Variants in ETV7 observed in about 807,000 individuals in gnomAD.
ETV7 encodes ETS variant transcription factor 7, also known as transcription factor ETV7.
A neutral mutation model predicts 39.1 loss-of-function variants in ETV7; 43 were observed. The ratio of observed to expected loss-of-function variants is 1.10; its 90% confidence interval spans 0.86 to 1.42. The LOEUF (loss-of-function observed/expected upper bound fraction) is 1.42, where lower values mean the gene tolerates loss of function less well. Ranked by LOEUF, ETV7 falls within the 40% of genes most tolerant of loss-of-function variation. The probability of loss-of-function intolerance (pLI) is 0.00; values close to 1 mark genes in which losing one functional copy is unlikely to be tolerated. For missense variants in ETV7, 432 were observed against 442.3 expected, an observed-to-expected ratio of 0.98 and a Z score of 0.21; for synonymous variants, 196 against 176.6, an observed-to-expected ratio of 1.11 and a Z score of -0.87.
In ETV7 at chr6:36,371,356, T is replaced by C; in HGVS notation, c.638A>G (p.Gln213Arg). 6.3e-7 allele frequency: 1 copy of C among 1,595,012 alleles called. No homozygotes were observed. Among genetic ancestry groups the C allele is most frequent in the African/African-American group, 1.3e-5 (1 of 74,704 alleles). ...QGVCSFPAMP[Q>R]APIDGRIADC... ...AGCGATCCTGCCGTCAATGGGGGCCTGCGGCATCGCGGGGAAGGAACAGAC... is the reference window on the plus strand; with the variant it reads ...AGCGATCCTGCCGTCAATGGGGGCCCGCGGCATCGCGGGGAAGGAACAGAC... The change falls in exon 5 of 8, where the codon CAG (glutamine) becomes CGG (arginine). Residue 213 changes from glutamine to arginine, a missense_variant. Gln to Arg is a conservative substitution (Grantham distance 43). Coordinates refer to ENST00000340181, the MANE Select transcript of ETV7 (RefSeq NM_016135.4).
chr6:36,366,421 C>T lies in ETV7; in HGVS notation c.*224G>A. 1.4e-6 allele frequency: 2 copies of T among 1,407,574 alleles called. No homozygotes were observed. The highest frequency in any genetic ancestry group is 1.5e-5 in the South Asian group (1 of 65,536). 87.2% of individuals were successfully genotyped at this position (1,407,574 alleles called of 1,614,324 possible). A position where few individuals can be genotyped will look rare whatever the true frequency, so the allele number is the denominator to read the frequency against. On this transcript the variant is annotated 3_prime_UTR_variant, in exon 8 of 8. Transcript: ENST00000340181. ...GGTGCAGTAGGGGAGAGTCCATTCC[C>T]CTGTACCTCATTTAGCCCCAGGATT...
At chr6:36,363,321 A>G (rs1772579949), downstream of ETV7, among the ~76,000 whole-genome samples, 1 of 151,650 alleles carries the variant, frequency 6.6e-6, no homozygotes, top group Non-Finnish European at 1.5e-5. Context: ...GAAGCTGCAG[A>G]CCTTCGCGGT....
At chr6:36,375,828 A>G (rs1401430754) in intron 3 of ETV7, 43 bp downstream of exon 3, 2 of 1,612,854 alleles carry the variant, frequency 1.2e-6, no homozygotes, top group Non-Finnish European at 1.7e-6. Context: ...ATCCTGGCCT[A>G]CCAGGGTTCC....
chr6:36,372,298 C>G (rs893250817), intron 4 of ETV7, among the ~76,000 whole-genome samples: 1 of 152,054 alleles, frequency 6.6e-6, no homozygotes, highest in Non-Finnish European at 1.5e-5. Flanking sequence ...CCCGAAGGCC[C>G]GTGTGTCTGG....
At chr6:36,370,263 G>T (rs73406987) in intron 5 of ETV7, among the ~76,000 whole-genome samples, 15 of 152,148 alleles carry the variant, frequency 9.9e-5, no homozygotes, top group African/African-American at 3.6e-4. Flanking sequence ...AGGCCGGCAC[G>T]GTGGTTCACG....
At chr6:36,362,866 T>C (rs1041162985), downstream of ETV7, among the ~76,000 whole-genome samples, 2 of 152,204 alleles carry the variant, frequency 1.3e-5, no homozygotes, top group African/African-American at 4.8e-5. Flanking sequence ...TTGACATCCA[T>C]CAACCCACCA....
intron 2 of ETV7, among the ~76,000 whole-genome samples, chr6:36,376,778 GAAA>G (rs60435053): frequency 6.5e-5 from 6 of 91,964 alleles, no homozygotes; most frequent in East Asian, 3.6e-4. Context: ...TCCCTCTAAA[GAAA>G]AAAAAAAAAA....
chr6:36,355,330 G>A (rs1772308387), intron 7 of ETV7, among the ~76,000 whole-genome samples: 1 of 151,862 alleles, frequency 6.6e-6, no homozygotes. Flanking sequence ...CCTATCTATT[G>A]AGATGATTAT....
chr6:36,387,459 A>T (rs929228756), intron 1 of ETV7, 77 bp downstream of exon 1: 1 of 1,597,800 alleles, frequency 6.3e-7, no homozygotes, highest in African/African-American at 1.3e-5. Flanking sequence ...TAGGTTTGGA[A>T]ATCTAGGTGG....
intron 4 of ETV7, among the ~76,000 whole-genome samples, 192 bp downstream of exon 4, chr6:36,373,261 T>G (rs1773125636): frequency 1.3e-5 from 1 of 77,378 alleles, no homozygotes; most frequent in Admixed American, 1.8e-4. Context: ...AATGGGGAGG[T>G]GGGAGGCATG....
intron 4 of ETV7, among the ~76,000 whole-genome samples, chr6:36,373,236 C>T (rs560519823): frequency 2.9e-4 from 42 of 145,654 alleles, no homozygotes; most frequent in Non-Finnish European, 4.8e-4. Context: ...CAACTCTTTG[C>T]TGGAGAGAGC....
chr6:36,371,635 C>G, intron 4 of ETV7, 75 bp from the exon 5 acceptor site: 1 of 1,296,272 alleles, frequency 7.7e-7, no homozygotes, highest in South Asian at 1.3e-5. Flanking sequence ...CAATGGTGAG[C>G]CTGGGAGCCC....
At chr6:36,387,138 G>A (rs1378917696) in intron 1 of ETV7, among the ~76,000 whole-genome samples, 1 of 152,198 alleles carries the variant, frequency 6.6e-6, no homozygotes, top group African/African-American at 2.4e-5. Flanking sequence ...CTAGAAAACC[G>A]GCGAGTGGGG....
At position 36,370,538 on chromosome 6, in the gene ETV7, AAAAAG is replaced by A. The variant is rs373068406; in HGVS notation, c.664+787_664+791del. ...CAAAAGAGCCAGACTCCCGTCTCAA[AAAAAG>A]AAAAGAAAAGAAAAGAAAAACTTCC... On this transcript the variant is annotated intron_variant, in intron 5 of 7. Coordinates refer to ENST00000340181, the MANE Select transcript of ETV7 (RefSeq NM_016135.4). 3.4e-3 allele frequency among the ~76,000 whole-genome samples: 518 copies of A among 152,228 alleles called. 1 individual carries two copies. Among genetic ancestry groups the A allele is most frequent in the Middle Eastern group, 0.02 (6 of 294 alleles).
downstream of ETV7, among the ~76,000 whole-genome samples, chr6:36,362,666 C>T (rs1294747997): frequency 1.3e-5 from 2 of 152,204 alleles, no homozygotes; most frequent in Non-Finnish European, 2.9e-5. Context: ...CCCCAGACCA[C>T]GGCCTGATCT....
intron 7 of ETV7, among the ~76,000 whole-genome samples, chr6:36,359,966 G>A (rs1448023243): frequency 1.3e-5 from 2 of 152,148 alleles, no homozygotes; most frequent in Non-Finnish European, 2.9e-5. Flanking sequence ...CGCGATCTCG[G>A]CTCACTGCCT....
At chr6:36,381,221 G>T (rs1773636094) in intron 2 of ETV7, among the ~76,000 whole-genome samples, 1 of 152,182 alleles carries the variant, frequency 6.6e-6, no homozygotes, top group Non-Finnish European at 1.5e-5. Flanking sequence ...AAAAATGGGA[G>T]CTATCATCAT....
In ETV7 at chr6:36,358,808, G is replaced by A. The variant is rs144849843; in HGVS notation, c.909-4121C>T. Among the ~76,000 whole-genome samples the A allele has an allele frequency of 5.3e-5, 8 of 152,344 alleles. No individual in the cohort carries two copies. In the East Asian group the frequency reaches 1.2e-3, roughly 22 times the overall value. ...TGGAGCATATGATCATGTGACTGAGGGGAAAGCTCTTCCTGCTCAGAATTG... is the reference window on the plus strand; with the variant it reads ...TGGAGCATATGATCATGTGACTGAGAGGAAAGCTCTTCCTGCTCAGAATTG... On this transcript the variant is annotated intron_variant, in intron 7 of 7. Transcript: ENST00000339796.
chr6:36,363,255 G>C (rs536421460), downstream of ETV7, among the ~76,000 whole-genome samples: 1 of 152,214 alleles, frequency 6.6e-6, no homozygotes, highest in East Asian at 1.9e-4. Flanking sequence ...CTGATGTTCC[G>C]ACGTGTTCAG....
Sources: allele counts gnomAD v4.1 joint callset (sites outside exome capture counted in the v4.1 genomes callset), GRCh38; gene constraint gnomAD v4.1.1; transcripts MANE v1.5; gene names NCBI Gene and HGNC (gene_info 2026-07-23, HGNC 2026-07-21).